Variants in MERTK observed in about 807,000 individuals in gnomAD.
MERTK encodes MER proto-oncogene, tyrosine kinase.
A neutral mutation model predicts 99.3 loss-of-function variants in MERTK; 69 were observed. That is an observed-to-expected ratio of 0.70 (90% CI 0.57 to 0.85). MERTK has a LOEUF of 0.85. MERTK is among the 40% of genes least tolerant of loss of function. The probability of loss-of-function intolerance (pLI) is 0.00; values close to 1 mark genes in which losing one functional copy is unlikely to be tolerated. For synonymous variants in MERTK, 426 were observed against 467.6 expected, an observed-to-expected ratio of 0.91 and a Z score of 1.15; for missense variants, 1,125 against 1,249.4, an observed-to-expected ratio of 0.90 and a Z score of 1.50.
chr2:112,001,382 C>G, intron 11 of MERTK, 96 bp downstream of exon 11: 1 of 991,106 alleles, frequency 1.0e-6, no homozygotes, highest in Non-Finnish European at 1.6e-6. Flanking sequence ...CCAAAGATGT[C>G]GAAGAAGAAT....
intron 1 of MERTK, among the ~76,000 whole-genome samples, chr2:111,915,220 A>G (rs1233636863): frequency 6.6e-6 from 1 of 152,138 alleles, no homozygotes; most frequent in Non-Finnish European, 1.5e-5. Context: ...TGCAGAGTCT[A>G]TGGTGATTTC....
At chr2:111,930,324 A>G in intron 2 of MERTK, 1 of 152,730 alleles carries the variant, frequency 6.5e-6, no homozygotes, top group Non-Finnish European at 1.5e-5. Flanking sequence ...AAAGCAGGGG[A>G]CCACCAGGTT....
At chr2:111,906,921 T>C (rs1684147796) in intron 1 of MERTK, among the ~76,000 whole-genome samples, 2 of 152,194 alleles carry the variant, frequency 1.3e-5, no homozygotes, top group Admixed American at 1.3e-4. Context: ...AGCAGATGGA[T>C]GATTCTAGGC....
intron 18 of MERTK, chr2:112,024,938 AAAC>A (rs917422418): frequency 9.7e-5 from 15 of 154,464 alleles, no homozygotes; most frequent in Middle Eastern, 5.1e-4. Flanking sequence ...TCAAAAAAAG[AAAC>A]AACAACAACA....
chr2:112,028,198 T>C (rs4848958), intron 18 of MERTK, 153 bp from the exon 19 acceptor site: 242,151 of 828,774 alleles, frequency 0.29, 37,812 homozygotes, highest in Middle Eastern at 0.39. Context: ...GTTGTATAAA[T>C]ATTAGGCCAC....
intron 1 of MERTK, among the ~76,000 whole-genome samples, chr2:111,913,839 G>A (rs775441486): frequency 1.7e-4 from 26 of 152,146 alleles, no homozygotes; most frequent in Admixed American, 3.9e-4. Flanking sequence ...ATGAGCCACT[G>A]TGCCTAGCCT....
chr2:111,945,886 C>T (rs990672625), intron 3 of MERTK, among the ~76,000 whole-genome samples: 5 of 152,240 alleles, frequency 3.3e-5, no homozygotes, highest in Admixed American at 3.3e-4. Flanking sequence ...TCTGAGGTGC[C>T]CCTCTTAGCA....
At chr2:111,933,712 C>T (rs751496236) in intron 2 of MERTK, among the ~76,000 whole-genome samples, 6 of 151,824 alleles carry the variant, frequency 4.0e-5, no homozygotes, top group African/African-American at 1.5e-4. Flanking sequence ...AGAGACTGAC[C>T]CTGTGTTTTA....
intron 15 of MERTK, among the ~76,000 whole-genome samples, chr2:112,017,790 A>G (rs1677248800): frequency 6.6e-6 from 1 of 152,192 alleles, no homozygotes; most frequent in Admixed American, 6.5e-5. Flanking sequence ...ATTGTCTCAC[A>G]TGGCAACAGC....
In MERTK at chr2:111,915,747, T is replaced by A. The variant is rs560061797; in HGVS notation, c.62-13373T>A. On this transcript the variant is annotated intron_variant, in intron 1 of 18. Coordinates refer to ENST00000295408, the MANE Select transcript of MERTK (RefSeq NM_006343.3). ...CTCATCTCTACTAAATACAAAAAAT[T>A]AGCCAGGCTTGGTGGCACGTGCCTG... 2.0e-5 allele frequency among the ~76,000 whole-genome samples: 3 copies of A among 152,154 alleles called. No homozygotes were observed. In the South Asian group the frequency reaches 6.2e-4, roughly 32 times the overall value.
At chr2:111,910,905 G>A (rs950327687) in intron 1 of MERTK, among the ~76,000 whole-genome samples, 21 of 152,080 alleles carry the variant, frequency 1.4e-4, no homozygotes, top group African/African-American at 4.3e-4. Flanking sequence ...AGATAGGAGG[G>A]ATAAGTTTAG....
At position 112,028,495 on chromosome 2, in the gene MERTK, G is replaced by T; in HGVS notation, c.2631G>T (p.Leu877Phe). 1 of 1,614,174 alleles carries T rather than the reference G, an allele frequency of 6.2e-7. No homozygotes were observed. Among genetic ancestry groups the T allele is most frequent in the Non-Finnish European group, 8.5e-7 (1 of 1,180,040 alleles). ...QADVIYVNTQ[L>F]LESSEGLAQG... ...ACGTTATTTACGTCAATACACAGTT[G>T]CTGGAGAGCTCTGAGGGCCTGGCCC... The change falls in exon 19 of 19, where the codon TTG becomes TTT. Residue 877 changes from leucine to phenylalanine, a missense_variant. Coordinates refer to ENST00000295408, the MANE Select transcript of MERTK (RefSeq NM_006343.3).
intron 4 of MERTK, among the ~76,000 whole-genome samples, chr2:111,962,466 C>T (rs149104870): frequency 7.2e-4 from 109 of 152,192 alleles, no homozygotes; most frequent in Non-Finnish European, 1.2e-3. Flanking sequence ...GGGATTGCAC[C>T]ATTGCCTGGG....
chr2:111,992,750 CAA>C (rs35097651), intron 8 of MERTK, among the ~76,000 whole-genome samples: 80 of 104,622 alleles, frequency 7.6e-4, no homozygotes, highest in African/African-American at 1.6e-3. Flanking sequence ...GACTCCGTCT[CAA>C]AAAAAAAAAA....
At chr2:111,898,910 G>A in intron 1 of MERTK, 114 bp downstream of exon 1, 1 of 1,121,140 alleles carries the variant, frequency 8.9e-7, no homozygotes, top group Non-Finnish European at 1.2e-6. Flanking sequence ...GGACAAGTTT[G>A]CAAACACCCT....
Position 111,989,979 on chromosome 2 carries a change from C to T in MERTK, c.1297-4272C>T, listed in dbSNP as rs151051844. Among the ~76,000 whole-genome samples, 1,250 of 152,252 alleles carry T rather than the reference C, an allele frequency of 8.2e-3. 6 individuals carry two copies. The highest frequency in any genetic ancestry group is 0.013 in the Non-Finnish European group (875 of 68,026). On this transcript the variant is annotated intron_variant, in intron 8 of 18. Transcript: ENST00000295408. ...CTCAATGAAAAATATGCAGTTGGCCCGTGGCATACACCCCATGACCAGACC... is the reference window on the plus strand; with the variant it reads ...CTCAATGAAAAATATGCAGTTGGCCTGTGGCATACACCCCATGACCAGACC...
At chr2:112,000,098 A>G (rs113783222) in intron 10 of MERTK, among the ~76,000 whole-genome samples, 7,996 of 152,232 alleles carry the variant, frequency 0.053, 702 homozygotes, top group African/African-American at 0.18. Flanking sequence ...TGGGGCAGGA[A>G]CAAATCACAA....
At position 111,940,913 on chromosome 2, in the gene MERTK, T is replaced by C. The variant is rs1229413730; in HGVS notation, c.483-4047T>C. The C allele has an allele frequency of 7.3e-6, 5 of 682,664 alleles. No individual in the cohort carries two copies. The African/African-American group carries it at 8.8e-5, about 12-fold the overall frequency. The allele number at this position is 682,664 out of a possible 1,614,324, so 42.3% of individuals were successfully genotyped here. ...TTTCTTAAATTACCTCTGTCTTCAG[T>C]CTTGTAGTATCTGATTTTCTGGTCT... On this transcript the variant is annotated intron_variant, in intron 2 of 18. Transcript: ENST00000295408.
In MERTK at chr2:111,994,363, G is replaced by C. The variant is rs1279974539; in HGVS notation, c.1409G>C (p.Gly470Ala). Residue 470 changes from glycine to alanine, a missense_variant, in exon 9 of 19, where the codon GGG becomes GCG. Physicochemically the swap from Gly to Ala is moderately conservative, Grantham distance 60. Coordinates refer to ENST00000295408, the MANE Select transcript of MERTK (RefSeq NM_006343.3). The stretch of plus-strand genomic sequence containing the variant: ...GCAGCCGTCACCAGAGGGGGAGTTG[G>C]GCCCTTCAGTGATCCAGTGAAAATA... The part of the protein sequence containing the change: ...RIAAVTRGGV[G>A]PFSDPVKIFI... 1 of 1,613,986 alleles carries C rather than the reference G, an allele frequency of 6.2e-7. No individual in the cohort carries two copies. Among genetic ancestry groups the C allele is most frequent in the Non-Finnish European group, 8.5e-7 (1 of 1,180,042 alleles).
Sources: allele counts gnomAD v4.1 joint callset (sites outside exome capture counted in the v4.1 genomes callset), GRCh38; gene constraint gnomAD v4.1.1; transcripts MANE v1.5; gene names NCBI Gene and HGNC (gene_info 2026-07-23, HGNC 2026-07-21).